The following CCSER1 variants were observed in gnomAD, a reference collection of about 807,000 sequenced individuals.
The protein encoded by CCSER1 is coiled-coil serine rich protein 1, also known as serine-rich coiled-coil domain-containing protein 1.
In CCSER1, 41 loss-of-function variants were observed where a neutral mutation model predicts 82.0. The observed-to-expected ratio is 0.50, with a 90% confidence interval of 0.39 to 0.65. The LOEUF (loss-of-function observed/expected upper bound fraction) is 0.65. Among genes scored for constraint, CCSER1 ranks in the 30% least tolerant of loss-of-function variants. CCSER1 has a pLI of 0.00. For missense variants in CCSER1, 1,119 were observed against 1,064.2 expected (o/e 1.05, Z -0.72); for synonymous variants, 414 against 383.9 (o/e 1.08, Z -0.92).
intron 10 of CCSER1, among the ~76,000 whole-genome samples, chr4:91,585,146 A>C (rs1425824543): frequency 1.3e-5 from 2 of 151,510 alleles, no homozygotes; most frequent in African/African-American, 4.8e-5. Flanking sequence ...ATTTCTATGT[A>C]AACATCCTAC....
chr4:91,598,873 C>T lies in CCSER1; in HGVS notation c.2519C>T (p.Ser840Phe). 2 of 1,551,632 alleles carry T rather than the reference C, an allele frequency of 1.3e-6. No homozygotes were observed. Among genetic ancestry groups the T allele is most frequent in the Non-Finnish European group, 1.7e-6 (2 of 1,146,936 alleles). Reference protein sequence around the residue: ...LKPTAKTEGLSTFLEKPKDQV... With the variant: ...LKPTAKTEGLFTFLEKPKDQV... ...CCAACAGCTAAGACAGAAGGGCTCT[C>T]CACGTTCTTAGAGAAACCAAAGGAC... Residue 840 changes from serine (S) to phenylalanine (F), a missense_variant, in exon 11 of 11, where the codon TCC becomes TTC. Ser to Phe is a radical substitution (Grantham distance 155). Transcript: ENST00000509176.
intron 10 of CCSER1, among the ~76,000 whole-genome samples, chr4:91,592,401 C>T (rs1039096757): frequency 2.0e-5 from 3 of 152,078 alleles, no homozygotes; most frequent in Admixed American, 6.6e-5. Context: ...GGGACACAGA[C>T]AAACCATATC....
chr4:91,585,675 A>G (rs942624100), intron 10 of CCSER1, among the ~76,000 whole-genome samples: 1 of 151,568 alleles, frequency 6.6e-6, no homozygotes, highest in African/African-American at 2.4e-5. Context: ...AATGAAGGGA[A>G]GAACATTCCA....
chr4:90,223,006 C>T (rs1305122396), intron 1 of CCSER1, among the ~76,000 whole-genome samples: 1 of 152,088 alleles, frequency 6.6e-6, no homozygotes, highest in Admixed American at 6.6e-5. Flanking sequence ...TACAGTTTTT[C>T]ACATATATAG....
At chr4:91,157,305 T>A (rs780923750) in intron 10 of CCSER1, among the ~76,000 whole-genome samples, 2 of 151,970 alleles carry the variant, frequency 1.3e-5, no homozygotes, top group Non-Finnish European at 2.9e-5. Flanking sequence ...CTTAATACTG[T>A]AAGTTGAAAT....
chr4:90,283,441 A>G (rs2153461737), intron 1 of CCSER1, among the ~76,000 whole-genome samples: 1 of 152,152 alleles, frequency 6.6e-6, no homozygotes, highest in East Asian at 1.9e-4. Context: ...CAATGATCAA[A>G]TCAGGATAAT....
chr4:91,103,053 T>C (rs61117447), intron 10 of CCSER1, among the ~76,000 whole-genome samples: 52,581 of 152,102 alleles, frequency 0.35, 9,444 homozygotes, highest in East Asian at 0.45. Flanking sequence ...TTGGCATTGC[T>C]GTGTAACGTA....
At chr4:91,435,344 G>C (rs1294226957) in intron 10 of CCSER1, among the ~76,000 whole-genome samples, 1 of 152,028 alleles carries the variant, frequency 6.6e-6, no homozygotes, top group East Asian at 1.9e-4. Context: ...TGGAGGCTGA[G>C]GTGGGAGGAT....
At chr4:91,221,472 A>G (rs576359612) in intron 10 of CCSER1, among the ~76,000 whole-genome samples, 5 of 152,292 alleles carry the variant, frequency 3.3e-5, no homozygotes, top group Non-Finnish European at 7.4e-5. Context: ...AAAGAGTGTT[A>G]TAATATTAAG....
chr4:90,230,859 C>A (rs1295183799), intron 1 of CCSER1, among the ~76,000 whole-genome samples: 2 of 152,144 alleles, frequency 1.3e-5, no homozygotes, highest in Non-Finnish European at 2.9e-5. Context: ...CGCAAATAAA[C>A]CAGAAAATCT....
chr4:90,697,893 G>A (rs961387410), intron 6 of CCSER1, among the ~76,000 whole-genome samples: 3 of 152,072 alleles, frequency 2.0e-5, no homozygotes, highest in African/African-American at 7.2e-5. Flanking sequence ...CACACAAAAT[G>A]TAATAAAGTT....
chr4:90,555,778 TC>T (rs1438311155), intron 5 of CCSER1, among the ~76,000 whole-genome samples: 5 of 152,026 alleles, frequency 3.3e-5, no homozygotes, highest in Non-Finnish European at 7.4e-5. Flanking sequence ...GACATTATGT[TC>T]AATACATATC....
chr4:91,002,813 T>C (rs189421356), intron 9 of CCSER1, among the ~76,000 whole-genome samples: 1 of 152,316 alleles, frequency 6.6e-6, no homozygotes, highest in Admixed American at 6.5e-5. Context: ...TTGGGGGATG[T>C]TAAAGAACCA....
chr4:90,602,532 T>C (rs962753804), intron 5 of CCSER1, among the ~76,000 whole-genome samples: 1 of 152,190 alleles, frequency 6.6e-6, no homozygotes, highest in African/African-American at 2.4e-5. Context: ...TTAATTTTAA[T>C]GTGTGCATGG....
At chr4:90,712,498 A>G (rs569960088) in intron 6 of CCSER1, among the ~76,000 whole-genome samples, 40 of 151,292 alleles carry the variant, frequency 2.6e-4, no homozygotes, top group Non-Finnish European at 5.2e-4. Context: ...GCTGTGGTTC[A>G]ATAGTTTTTT....
chr4:90,289,210 T>G (rs187011601), intron 1 of CCSER1, among the ~76,000 whole-genome samples: 4 of 148,654 alleles, frequency 2.7e-5, no homozygotes, highest in Non-Finnish European at 6.0e-5. Context: ...TTTTCTTAAA[T>G]CAAATAAGCT....
intron 1 of CCSER1, among the ~76,000 whole-genome samples, chr4:90,136,216 G>A (rs1005856227): frequency 6.6e-6 from 1 of 152,092 alleles, no homozygotes; most frequent in Admixed American, 6.6e-5. Context: ...GCTGGGTGTG[G>A]TGGAGCACTC....
chr4:90,810,644 T>TCAACAACAACAACAACAACAACAA (rs34797230), intron 7 of CCSER1, among the ~76,000 whole-genome samples: 1 of 128,470 alleles, frequency 7.8e-6, no homozygotes, highest in African/African-American at 3.0e-5. Flanking sequence ...AGACTCCCTC[T>TCAACAACAACAACAACAACAACAA]CAACAACAAC....
At chr4:91,081,237 T>C (rs540708093) in intron 9 of CCSER1, among the ~76,000 whole-genome samples, 13 of 152,318 alleles carry the variant, frequency 8.5e-5, no homozygotes, top group African/African-American at 3.1e-4. Flanking sequence ...ATCCCTGGGA[T>C]GCAAGGCTGG....
Sources: allele counts gnomAD v4.1 joint callset (sites outside exome capture counted in the v4.1 genomes callset), GRCh38; gene constraint gnomAD v4.1.1; transcripts MANE v1.5; gene names NCBI Gene and HGNC (gene_info 2026-07-23, HGNC 2026-07-21).